Variants in ALDOB observed in about 807,000 individuals in gnomAD.
ALDOB encodes the protein aldolase, fructose-bisphosphate B.
Under a neutral mutation model 41.0 loss-of-function variants are expected in ALDOB, and 39 were observed. That is an observed-to-expected ratio of 0.95 (90% CI 0.74 to 1.24). The LOEUF is 1.24. ALDOB is among the 50% of genes most tolerant of loss of function. ALDOB has a pLI of 0.00. For missense variants in ALDOB, 530 were observed against 457.3 expected, an observed-to-expected ratio of 1.16 and a Z score of -1.45; for synonymous variants, 175 against 168.8, an observed-to-expected ratio of 1.04 and a Z score of -0.28.
chr9:101,427,719 G>C, intron 4 of ALDOB, 77 bp from the exon 5 acceptor site: 1 of 1,558,094 alleles, frequency 6.4e-7, no homozygotes, highest in Non-Finnish European at 8.8e-7. Context: ...AAGGGAAGGA[G>C]TTCTCCCTTT....
At chr9:101,428,581 T>A in intron 3 of ALDOB, 58 bp from the exon 4 acceptor site, 4 of 1,370,932 alleles carry the variant, frequency 2.9e-6, no homozygotes, top group Non-Finnish European at 4.2e-6. Flanking sequence ...GCAGAACTCT[T>A]GAACTAACTA....
chr9:101,424,366 C>T (rs1049857635), intron 8 of ALDOB, among the ~76,000 whole-genome samples: 1 of 152,154 alleles, frequency 6.6e-6, no homozygotes, highest in Admixed American at 6.5e-5. Context: ...TTGCAGTGAG[C>T]CGAGATTGTG....
At chr9:101,424,722 G>T in intron 8 of ALDOB, 121 bp downstream of exon 8, 1 of 1,199,438 alleles carries the variant, frequency 8.3e-7, no homozygotes, top group Non-Finnish European at 1.2e-6. Flanking sequence ...ATTTTCAAAT[G>T]CCTAATAGAC....
intron 8 of ALDOB, among the ~76,000 whole-genome samples, chr9:101,422,401 A>T (rs533198498): frequency 6.6e-6 from 1 of 152,226 alleles, no homozygotes; most frequent in Non-Finnish European, 1.5e-5. Context: ...ACTCAGTGGT[A>T]CCACTTCTTC....
At position 101,424,909 on chromosome 9, in the gene ALDOB, C is replaced by T. The variant is rs541062220; in HGVS notation, c.933G>A (p.Leu311=). The T allele has an allele frequency of 1.2e-6, 2 of 1,614,150 alleles. No individual in the cohort carries two copies. The highest frequency in any genetic ancestry group is 2.2e-5 in the East Asian group (1 of 44,872). ...SYGRALQASA[L]AAWGGKAANK... ...TTGCAGCCTTGCCACCCCAGGCAGC[C>T]AGTGCACTGGCCTGCAGGGCCCGTC... Residue 311 remains leucine (L), a synonymous_variant, in exon 8 of 9, where the codon CTG becomes CTA. Coordinates refer to ENST00000647789, the MANE Select transcript of ALDOB (RefSeq NM_000035.4).
chr9:101,435,408 A>G (rs1361619023), intron 1 of ALDOB, among the ~76,000 whole-genome samples: 1 of 152,220 alleles, frequency 6.6e-6, no homozygotes, highest in African/African-American at 2.4e-5. Context: ...GGAGTGTTCA[A>G]GTTGTTTTTC....
In ALDOB at chr9:101,429,912, C is replaced by A. The variant is rs200050226; in HGVS notation, c.167G>T (p.Arg56Leu). ...RIKVENTEEN[R>L]RQFREILFSV... ...GAAGAGGATTTCTCGGAACTGCCGG[C>A]GGTTCTCTTCAGTGTTTTCCACCTT... The change falls in exon 3 of 9, where the codon CGC (arginine) becomes CTC (leucine). Residue 56 changes from arginine (R) to leucine (L), a missense_variant. Physicochemically the swap from Arg to Leu is moderately radical, Grantham distance 102. Coordinates refer to ENST00000647789, the MANE Select transcript of ALDOB (RefSeq NM_000035.4). 2.8e-5 allele frequency: 45 copies of A among 1,613,948 alleles called. 1 individual carries two copies. The highest frequency in any genetic ancestry group is 3.7e-5 in the Non-Finnish European group (44 of 1,180,024).
At chr9:101,427,670 T>TCTTTGTAC (rs775008514) in intron 4 of ALDOB, 28 bp from the exon 5 acceptor site, 2 of 1,613,388 alleles carry the variant, frequency 1.2e-6, no homozygotes, top group Non-Finnish European at 1.7e-6. Flanking sequence ...GAGAAAGGCT[T>TCTTTGTAC]CTTTGTACCT....
intron 3 of ALDOB, 97 bp downstream of exon 3, chr9:101,429,658 A>G (rs1831185028): frequency 5.3e-6 from 6 of 1,127,376 alleles, no homozygotes; most frequent in South Asian, 5.0e-5. Context: ...GAGAAATTTG[A>G]TGAGGAGAAT....
At chr9:101,424,451 A>G (rs1183053487) in intron 8 of ALDOB, among the ~76,000 whole-genome samples, 2 of 152,138 alleles carry the variant, frequency 1.3e-5, no homozygotes, top group Admixed American at 1.3e-4. Context: ...AATAAACATG[A>G]AAGAAAGAAA....
At chr9:101,423,666 C>A (rs1469631175) in intron 8 of ALDOB, among the ~76,000 whole-genome samples, 2 of 152,130 alleles carry the variant, frequency 1.3e-5, no homozygotes, top group Non-Finnish European at 2.9e-5. Flanking sequence ...TTTTGTCTTA[C>A]ACCAGCTGTG....
In ALDOB at chr9:101,430,897, T is replaced by A; in HGVS notation, c.-10A>T. 1.2e-6 allele frequency: 2 copies of A among 1,604,586 alleles called. No homozygotes were observed. The highest frequency in any genetic ancestry group is 8.5e-7 in the Non-Finnish European group (1 of 1,171,416). On this transcript the variant is annotated splice_region_variant and 5_prime_UTR_variant, in exon 2 of 9. Transcript: ENST00000647789. Reference sequence around the variant, plus strand: ...GAAATCGGTGGGCCATGGTGACAGGTCTGGAAAAGAGTGTGCGAGAGTTGT... The same window carrying A: ...GAAATCGGTGGGCCATGGTGACAGGACTGGAAAAGAGTGTGCGAGAGTTGT...
At chr9:101,424,312 G>A (rs1036761922) in intron 8 of ALDOB, among the ~76,000 whole-genome samples, 2 of 152,126 alleles carry the variant, frequency 1.3e-5, no homozygotes, top group Non-Finnish European at 1.5e-5. Flanking sequence ...CCAGCTACTT[G>A]GGAGGCTGAG....
At chr9:101,423,689 A>G (rs2099860409) in intron 8 of ALDOB, among the ~76,000 whole-genome samples, 2 of 152,094 alleles carry the variant, frequency 1.3e-5, no homozygotes, top group Non-Finnish European at 2.9e-5. Context: ...ACCTATGCTT[A>G]ATATTGAGTC....
intron 6 of ALDOB, among the ~76,000 whole-genome samples, 190 bp downstream of exon 6, chr9:101,426,365 T>C (rs1367754212): frequency 1.3e-5 from 2 of 152,226 alleles, no homozygotes; most frequent in Non-Finnish European, 2.9e-5. Context: ...CTGCAACTCC[T>C]GTGCTTTTTC....
At chr9:101,429,641 G>T in intron 3 of ALDOB, 114 bp downstream of exon 3, 2 of 1,019,854 alleles carry the variant, frequency 2.0e-6, no homozygotes, top group Admixed American at 1.7e-5. Flanking sequence ...ATGGAAAAGG[G>T]TGAGAAGAGA....
At chr9:101,433,169 A>G (rs1471590315) in intron 1 of ALDOB, among the ~76,000 whole-genome samples, 2 of 152,246 alleles carry the variant, frequency 1.3e-5, no homozygotes, top group African/African-American at 4.8e-5. Context: ...CATGATAAAC[A>G]TGAAGATTCT....
chr9:101,431,012 C>T (rs1034592153), intron 1 of ALDOB, 115 bp from the exon 2 acceptor site: 10 of 741,492 alleles, frequency 1.3e-5, no homozygotes, highest in Non-Finnish European at 2.2e-5. Context: ...CACCTCTGAC[C>T]CATTTCCACA....
chr9:101,429,398 A>G (rs191436902), intron 3 of ALDOB, among the ~76,000 whole-genome samples: 17 of 152,266 alleles, frequency 1.1e-4, no homozygotes, highest in Admixed American at 4.6e-4. Flanking sequence ...AGCTCAAGCG[A>G]TCCTCTTGCC....
Sources: gnomAD v4.1 joint callset for allele counts (sites outside exome capture counted in the v4.1 genomes callset) on GRCh38, gnomAD v4.1.1 for gene constraint, MANE v1.5 for transcripts, NCBI Gene and HGNC (gene_info 2026-07-23, HGNC 2026-07-21) for gene names.